The following CFH variants were observed in gnomAD, a reference collection of about 807,000 sequenced individuals.
CFH encodes complement factor H, also known as H factor 1 (complement).
CFH carries 53 observed loss-of-function variants against 147.3 expected under a neutral mutation model. That is an observed-to-expected ratio of 0.36 (90% CI 0.29 to 0.45). CFH has a LOEUF of 0.45. Among genes scored for constraint, CFH ranks in the 20% least tolerant of loss-of-function variants. The probability of loss-of-function intolerance (pLI) is 1.00; values close to 1 mark genes in which losing one functional copy is unlikely to be tolerated. For synonymous variants in CFH, 536 were observed against 489.4 expected (o/e 1.10, Z -1.26); for missense variants, 1,380 against 1,498.0 (o/e 0.92, Z 1.30).
At chr1:196,665,731 C>T (rs1184134880) in intron 1 of CFH, among the ~76,000 whole-genome samples, 2 of 152,194 alleles carry the variant, frequency 1.3e-5, no homozygotes, top group Non-Finnish European at 2.9e-5. Context: ...CCTCACGCCC[C>T]CACGTAGCTG....
intron 14 of CFH, 111 bp downstream of exon 14, chr1:196,727,051 GTCT>G: frequency 1.1e-6 from 1 of 932,788 alleles, no homozygotes; most frequent in Non-Finnish European, 1.7e-6. Context: ...AACATTTCCA[GTCT>G]TCAATATGAG....
At chr1:196,699,341 TC>T (rs1231596456) in intron 9 of CFH, among the ~76,000 whole-genome samples, 1 of 152,182 alleles carries the variant, frequency 6.6e-6, no homozygotes, top group Non-Finnish European at 1.5e-5. Context: ...TCTATGTACC[TC>T]CTTTGGTGAA....
At chr1:196,738,476 G>C (rs1397328226) in intron 17 of CFH, among the ~76,000 whole-genome samples, 1 of 152,212 alleles carries the variant, frequency 6.6e-6, no homozygotes, top group Non-Finnish European at 1.5e-5. Context: ...TACAGGGATT[G>C]GGTAAATGCT....
chr1:196,678,472 A>C (rs1047088006), intron 5 of CFH: 1 of 151,924 alleles, frequency 6.6e-6, no homozygotes, highest in Non-Finnish European at 1.5e-5. Context: ...TATCTAAATT[A>C]TTTTTACTAT....
At chr1:196,701,444 C>T (rs1668447044) in intron 9 of CFH, 3 of 1,476,300 alleles carry the variant, frequency 2.0e-6, no homozygotes, top group Non-Finnish European at 2.8e-6. Flanking sequence ...AGTATGGTGA[C>T]TAGTATCTGT....
intron 10 of CFH, among the ~76,000 whole-genome samples, chr1:196,714,430 C>T (rs78055952): frequency 0.02 from 3,001 of 150,832 alleles, 92 homozygotes; most frequent in African/African-American, 0.069. Flanking sequence ...AGTAGAGAGA[C>T]AAAATATTCC....
chr1:196,699,233 T>A (rs900856602), intron 9 of CFH, among the ~76,000 whole-genome samples: 1 of 152,186 alleles, frequency 6.6e-6, no homozygotes, highest in Non-Finnish European at 1.5e-5. Context: ...ATAATGTGTT[T>A]TTTTTTCCAT....
At chr1:196,740,508 A>G in intron 17 of CFH, 111 bp from the exon 18 acceptor site, 5 of 1,044,128 alleles carry the variant, frequency 4.8e-6, no homozygotes, top group Non-Finnish European at 7.1e-6. Context: ...CTGTGATGTC[A>G]TAGTAGCTCC....
At chr1:196,746,834 A>G (rs1653026353) in intron 21 of CFH, among the ~76,000 whole-genome samples, 1 of 152,196 alleles carries the variant, frequency 6.6e-6, no homozygotes. Context: ...CAGCAATGAT[A>G]AGTTCTAAAA....
intron 7 of CFH, among the ~76,000 whole-genome samples, chr1:196,688,422 G>C (rs1425425357): frequency 6.6e-6 from 1 of 151,830 alleles, no homozygotes; most frequent in Non-Finnish European, 1.5e-5. Flanking sequence ...TAACTATTTG[G>C]ATATGAAGAA....
chr1:196,710,184 G>C (rs203681), intron 9 of CFH, among the ~76,000 whole-genome samples: 3,804 of 152,060 alleles, frequency 0.025, 150 homozygotes, highest in African/African-American at 0.082. Context: ...TTTCTAGCCC[G>C]TCACCCTCCA....
intron 21 of CFH, among the ~76,000 whole-genome samples, chr1:196,746,479 C>G (rs518957): frequency 1.2e-4 from 19 of 152,204 alleles, no homozygotes; most frequent in Admixed American, 5.2e-4. Context: ...AGTAATTTTT[C>G]TCTTTATATT....
At chr1:196,705,245 A>G (rs999309236) in intron 9 of CFH, among the ~76,000 whole-genome samples, 2 of 152,168 alleles carry the variant, frequency 1.3e-5, no homozygotes, top group African/African-American at 2.4e-5. Flanking sequence ...CAAGAAAAAA[A>G]TCACAAATAT....
intron 7 of CFH, among the ~76,000 whole-genome samples, chr1:196,686,770 A>G (rs1429411040): frequency 6.6e-6 from 1 of 152,108 alleles, no homozygotes; most frequent in Non-Finnish European, 1.5e-5. Context: ...CTGAGACCCA[A>G]CTATATTTGG....
chr1:196,741,827 C>T, intron 18 of CFH, 48 bp from the exon 19 acceptor site: 17 of 1,548,026 alleles, frequency 1.1e-5, no homozygotes, highest in Non-Finnish European at 1.5e-5. Context: ...TTGTATGTAA[C>T]CTATTTTTAA....
Position 196,736,881 on chromosome 1 carries a change from C to A in CFH, c.2471C>A (p.Thr824Lys), listed in dbSNP as rs894673509. ...CAGATTCCCAATTCTCACAATATGA[C>A]AACCACACTGAATTATCGGGATGGA... ...PPQIPNSHNM[T>K]TTLNYRDGEK... Residue 824 changes from threonine to lysine, a missense_variant, in exon 16 of 22, where the codon ACA (threonine) becomes AAA (lysine). Physicochemically the swap from Thr to Lys is moderately conservative, Grantham distance 78 (BLOSUM62 -1). Coordinates refer to ENST00000367429, the MANE Select transcript of CFH (RefSeq NM_000186.4). 3 of 1,605,762 alleles carry A rather than the reference C, an allele frequency of 1.9e-6. No individual in the cohort carries two copies. The highest frequency in any genetic ancestry group is 8.5e-7 in the Non-Finnish European group (1 of 1,175,352).
chr1:196,690,369 A>C (rs1558162238), intron 9 of CFH, 130 bp downstream of exon 9: 2 of 1,379,182 alleles, frequency 1.5e-6, no homozygotes, highest in South Asian at 1.2e-5. Flanking sequence ...GGACCTATTT[A>C]GTTTTTGGTT....
At position 196,715,690 on chromosome 1, in the gene CFH, T is replaced by C. The variant is rs147170171; in HGVS notation, c.1617T>C (p.Gly539=). The change falls in exon 11 of 22, where the codon GGT becomes GGC. Residue 539 remains glycine (G), a synonymous_variant. Coordinates refer to ENST00000367429, the MANE Select transcript of CFH (RefSeq NM_000186.4). The part of the protein sequence containing the change: ...NDTLDYECHD[G]YESNTGSTTG... ...CATTGGACTATGAATGCCATGATGG[T>C]TATGAAAGCAATACTGGAAGCACCA... 87 of 1,612,896 alleles carry C rather than the reference T, an allele frequency of 5.4e-5. No individual in the cohort carries two copies. In the Middle Eastern group the frequency reaches 8.3e-4, roughly 15 times the overall value.
intron 9 of CFH, among the ~76,000 whole-genome samples, chr1:196,691,934 A>T (rs890058320): frequency 1.3e-5 from 2 of 152,016 alleles, no homozygotes; most frequent in African/African-American, 4.8e-5. Flanking sequence ...GCTGTATTTC[A>T]TGTTTAAATG....
Sources: gnomAD v4.1 joint callset for allele counts (sites outside exome capture counted in the v4.1 genomes callset) on GRCh38, gnomAD v4.1.1 for gene constraint, MANE v1.5 for transcripts, NCBI Gene and HGNC (gene_info 2026-07-23, HGNC 2026-07-21) for gene names.